The following COL15A1 variants were observed in gnomAD, a reference collection of about 807,000 sequenced individuals.
COL15A1 encodes the protein collagen type XV alpha 1 chain.
COL15A1 carries 111 observed loss-of-function variants against 165.9 expected under a neutral mutation model. That is an observed-to-expected ratio of 0.67 (90% CI 0.57 to 0.78). The LOEUF is 0.78. Ranked by LOEUF, COL15A1 falls within the 30% of genes least tolerant of loss-of-function variation. The pLI is 0.00. For synonymous variants in COL15A1, 659 were observed against 674.8 expected (o/e 0.98, Z 0.36); for missense variants, 1,745 against 1,789.7 (o/e 0.98, Z 0.45).
At position 99,054,639 on chromosome 9, in the gene COL15A1, G is replaced by T; in HGVS notation, c.3014G>T (p.Gly1005Val). ...PGSKGEKGDQ[G>V]AQGPPGPPLD... ...TCAAAGGGAGAAAAAGGCGACCAGG[G>T]AGCCCAGGGACCACCAGGTATTCCA... The change falls in exon 32 of 42, where the codon GGA (glycine) becomes GTA (valine). Residue 1005 changes from glycine (G) to valine (V), a missense_variant. Physicochemically the swap from Gly to Val is moderately radical, Grantham distance 109. Coordinates refer to ENST00000375001, the MANE Select transcript of COL15A1 (RefSeq NM_001855.5). 1.9e-6 allele frequency: 3 copies of T among 1,612,808 alleles called. No homozygotes were observed. The highest frequency in any genetic ancestry group is 1.7e-6 in the Non-Finnish European group (2 of 1,179,582).
intron 2 of COL15A1, among the ~76,000 whole-genome samples, chr9:98,973,255 GGAGA>G (rs150597321): frequency 4.5e-4 from 67 of 150,210 alleles, no homozygotes; most frequent in African/African-American, 1.5e-3. Context: ...AGAGAGAGAG[GGAGA>G]GAGAGAGAGA....
chr9:98,982,285 T>A (rs1488763633), intron 2 of COL15A1, among the ~76,000 whole-genome samples: 1 of 152,196 alleles, frequency 6.6e-6, no homozygotes, highest in Non-Finnish European at 1.5e-5. Context: ...CACCCATTAA[T>A]GTATAATGTA....
intron 35 of COL15A1, among the ~76,000 whole-genome samples, 177 bp downstream of exon 35, chr9:99,056,581 A>G (rs987170138): frequency 1.3e-5 from 2 of 152,068 alleles, no homozygotes; most frequent in East Asian, 1.9e-4. Flanking sequence ...TCACCCACCT[A>G]AAGTGTCTAA....
chr9:99,034,719 C>G, intron 17 of COL15A1, 135 bp downstream of exon 17: 1 of 1,426,162 alleles, frequency 7.0e-7, no homozygotes, highest in Non-Finnish European at 9.3e-7. Flanking sequence ...GAACACATCT[C>G]AAAGGAATTG....
chr9:98,969,914 G>A (rs1381437140), intron 2 of COL15A1, among the ~76,000 whole-genome samples: 1 of 152,176 alleles, frequency 6.6e-6, no homozygotes, highest in Non-Finnish European at 1.5e-5. Context: ...AAAGAGTGGG[G>A]TTGTTGTGAA....
At chr9:99,055,886 G>A (rs1331017421) in intron 34 of COL15A1, among the ~76,000 whole-genome samples, 2 of 152,228 alleles carry the variant, frequency 1.3e-5, no homozygotes, top group African/African-American at 2.4e-5. Flanking sequence ...TGTGAGGGTA[G>A]AACCAGCAAA....
chr9:99,026,118 T>C (rs926766674), intron 16 of COL15A1, 152 bp downstream of exon 16: 1 of 703,654 alleles, frequency 1.4e-6, no homozygotes, highest in Non-Finnish European at 2.3e-6. Context: ...GTCTCCATCA[T>C]GGGACTCATC....
rs973831064 is a variant in COL15A1 at position 99,015,547 on chromosome 9, C to T, written c.1484C>T (p.Pro495Leu). 6.2e-7 allele frequency: 1 copy of T among 1,613,878 alleles called. No homozygotes were observed. Among genetic ancestry groups the T allele is most frequent in the Non-Finnish European group, 8.5e-7 (1 of 1,179,954 alleles). ...GCTCCCCTCACAGCCACCATGGCCC[C>T]TGAGCGGGCAGTCACTTCTGTAAGT... Reference protein sequence around the residue: ...GLAPLTATMAPERAVTSGPGD... With the variant: ...GLAPLTATMALERAVTSGPGD... The change falls in exon 10 of 42, where the codon CCT becomes CTT. Residue 495 changes from proline (P) to leucine (L), a missense_variant. Pro to Leu is a moderately conservative substitution (Grantham distance 98, BLOSUM62 -3). Coordinates refer to ENST00000375001, the MANE Select transcript of COL15A1 (RefSeq NM_001855.5).
At chr9:99,036,265 T>G in intron 20 of COL15A1, 48 bp from the exon 21 acceptor site, 1 of 1,613,846 alleles carries the variant, frequency 6.2e-7, no homozygotes, top group African/African-American at 1.3e-5. Context: ...CTGGGAGCAT[T>G]ATCGCTGTAC....
At position 98,995,019 on chromosome 9, in the gene COL15A1, G is replaced by A. The variant is rs759098397; in HGVS notation, c.805-1915G>A. ...TCCTGAACCCTCACCTGCCCTGCCC[G>A]CCTCATCCCAAAGTCCAAATGCCTT... On this transcript the variant is annotated intron_variant, in intron 5 of 41. Coordinates refer to ENST00000375001, the MANE Select transcript of COL15A1 (RefSeq NM_001855.5). Among the ~76,000 whole-genome samples, 8 of 152,002 alleles carry A rather than the reference G, an allele frequency of 5.3e-5. No individual in the cohort carries two copies. In the South Asian group the frequency reaches 1.0e-3, roughly 20 times the overall value.
intron 2 of COL15A1, among the ~76,000 whole-genome samples, chr9:98,965,168 A>G (rs545393708): frequency 6.6e-6 from 1 of 152,334 alleles, no homozygotes. Context: ...TGCCTAGGGC[A>G]GCAGCTTGGG....
intron 2 of COL15A1, among the ~76,000 whole-genome samples, chr9:98,971,329 G>A (rs1420203707): frequency 6.6e-6 from 1 of 152,114 alleles, no homozygotes; most frequent in Non-Finnish European, 1.5e-5. Context: ...TTTCCTCCCA[G>A]AGCCCTGAGC....
chr9:98,943,997 TCCG>T lies in COL15A1; in HGVS notation c.-63_-61del. On this transcript the variant is annotated 5_prime_UTR_variant, in exon 1 of 42. Transcript: ENST00000375001. ...GCCAGCGCTCAGCGACCCTTCGTCC[TCCG>T]CTAAGCTCCAACGCTCTGCTCGACT... 1 of 1,601,608 alleles carries T rather than the reference TCCG, an allele frequency of 6.2e-7. No homozygotes were observed.
intron 2 of COL15A1, among the ~76,000 whole-genome samples, chr9:98,969,405 C>G (rs1483162420): frequency 6.6e-6 from 1 of 152,206 alleles, no homozygotes; most frequent in African/African-American, 2.4e-5. Context: ...AGTGAAGTAT[C>G]TTATCCAAAG....
Position 99,069,960 on chromosome 9 carries a change from T to A in COL15A1, c.*74T>A, listed in dbSNP as rs950932734. 7.2e-6 allele frequency: 9 copies of A among 1,245,560 alleles called. No individual in the cohort carries two copies. In the African/African-American group the frequency reaches 1.4e-4, roughly 20 times the overall value. 77.2% of individuals were successfully genotyped at this position (1,245,560 alleles called of 1,614,324 possible). A position where few individuals can be genotyped will look rare whatever the true frequency, so the allele number is the denominator to read the frequency against. On this transcript the variant is annotated 3_prime_UTR_variant, in exon 42 of 42. Transcript: ENST00000375001. ...GAGTTGACACTGAAATCTAAAATGT[T>A]TAATTGTTGTAAATATTACAGTTTT...
intron 5 of COL15A1, among the ~76,000 whole-genome samples, chr9:98,995,437 C>T (rs549422805): frequency 2.6e-5 from 4 of 152,314 alleles, no homozygotes; most frequent in Non-Finnish European, 5.9e-5. Flanking sequence ...CCCCACCACT[C>T]CCTCTCCCGA....
In COL15A1 at chr9:99,070,093, A is replaced by G. The variant is rs1825962065; in HGVS notation, c.*207A>G. The G allele has an allele frequency of 3.8e-6, 2 of 528,260 alleles. No homozygotes were observed. The highest frequency in any genetic ancestry group is 6.7e-6 in the Non-Finnish European group (2 of 300,666). The allele number at this position is 528,260 out of a possible 1,614,324, so 32.7% of individuals were successfully genotyped here. A position where few individuals can be genotyped will look rare whatever the true frequency, so the allele number is the denominator to read the frequency against. ...AGATCAAAGACAAAATCTGATCCAT[A>G]TATTGGTGCTAGATTCTGCAGGAAA... On this transcript the variant is annotated 3_prime_UTR_variant, in exon 42 of 42. Coordinates refer to ENST00000375001, the MANE Select transcript of COL15A1 (RefSeq NM_001855.5).
At chr9:98,964,071 A>G (rs1226508204) in intron 2 of COL15A1, among the ~76,000 whole-genome samples, 1 of 152,246 alleles carries the variant, frequency 6.6e-6, no homozygotes, top group Admixed American at 6.5e-5. Context: ...AACATGCCCA[A>G]GATCACCTGG....
intron 14 of COL15A1, among the ~76,000 whole-genome samples, chr9:99,023,733 G>A (rs989186479): frequency 1.2e-4 from 18 of 152,180 alleles, no homozygotes; most frequent in African/African-American, 4.1e-4. Flanking sequence ...TGAGCAGGCT[G>A]CCCTGCAGCA....
Sources: allele counts gnomAD v4.1 joint callset (sites outside exome capture counted in the v4.1 genomes callset), GRCh38; gene constraint gnomAD v4.1.1; transcripts MANE v1.5; gene names NCBI Gene and HGNC (gene_info 2026-07-23, HGNC 2026-07-21).